Variants in ALPK2 observed in about 807,000 individuals in gnomAD.
ALPK2 encodes alpha kinase 2.
ALPK2 carries 127 observed loss-of-function variants against 163.1 expected under a neutral mutation model. The observed-to-expected ratio is 0.78, with a 90% CI of 0.67 to 0.90. ALPK2 has a LOEUF of 0.90. Among genes scored for constraint, ALPK2 ranks in the 40% least tolerant of loss-of-function variants. ALPK2 has a pLI of 0.00. For missense variants in ALPK2, 2,360 were observed against 2,589.6 expected (o/e 0.91, Z 1.92); for synonymous variants, 953 against 959.1 (o/e 0.99, Z 0.12).
intron 1 of ALPK2, among the ~76,000 whole-genome samples, chr18:58,626,340 G>A (rs1186301530): frequency 1.3e-5 from 2 of 151,968 alleles, no homozygotes; most frequent in Admixed American, 6.6e-5. Flanking sequence ...TCTAGCCCAC[G>A]GTGCGATCCC....
intron 4 of ALPK2, among the ~76,000 whole-genome samples, chr18:58,541,852 C>G (rs529248661): frequency 1.4e-3 from 208 of 152,286 alleles, no homozygotes; most frequent in African/African-American, 4.8e-3. Flanking sequence ...CTCCTCGGTT[C>G]TCATCCAGAG....
intron 10 of ALPK2, among the ~76,000 whole-genome samples, chr18:58,504,678 A>T (rs1460773783): frequency 6.6e-6 from 1 of 152,184 alleles, no homozygotes; most frequent in East Asian, 1.9e-4. Context: ...TCACCTTTAA[A>T]TGAGGGAGAC....
At chr18:58,577,880 T>C (rs2051930128) in intron 4 of ALPK2, 1 of 152,194 alleles carries the variant, frequency 6.6e-6, no homozygotes, top group South Asian at 2.1e-4. Flanking sequence ...AAAATAATAC[T>C]AGTTTTCTAG....
chr18:58,506,418 A>G (rs566492094), intron 10 of ALPK2, among the ~76,000 whole-genome samples: 32 of 152,210 alleles, frequency 2.1e-4, no homozygotes, highest in African/African-American at 7.0e-4. Context: ...AAACATTTAA[A>G]TGATATTTAA....
chr18:58,586,700 G>A (rs1330378090), intron 3 of ALPK2, among the ~76,000 whole-genome samples: 1 of 151,596 alleles, frequency 6.6e-6, no homozygotes, highest in Non-Finnish European at 1.5e-5. Flanking sequence ...GTTTTTGTGT[G>A]ATCTGACTTA....
chr18:58,537,945 C>T lies in ALPK2; in HGVS notation c.2242G>A (p.Asp748Asn). The stretch of plus-strand genomic sequence containing the variant: ...AACACACCTGGGGACATAGTCTCAT[C>T]ATTGGCTTCTGAGATGCTCTGCTCA... ...KYEQSISEAN[D>N]ETMSPGVFSR... The change falls in exon 5 of 13, where the codon GAT becomes AAT. Residue 748 changes from aspartate to asparagine, a missense_variant. Transcript: ENST00000361673. The T allele has an allele frequency of 6.2e-7, 1 of 1,614,246 alleles. No homozygotes were observed. The highest frequency in any genetic ancestry group is 8.5e-7 in the Non-Finnish European group (1 of 1,180,042).
Position 58,535,771 on chromosome 18 carries a change from T to G in ALPK2, c.4416A>C (p.Glu1472Asp), listed in dbSNP as rs1321603195. The G allele has an allele frequency of 1.2e-6, 2 of 1,614,136 alleles. No homozygotes were observed. Among genetic ancestry groups the G allele is most frequent in the Non-Finnish European group, 1.7e-6 (2 of 1,180,036 alleles). ...LSENRISRSQ[E>D]GSMKQEAEQI... is the part of the protein sequence containing the mutation. The stretch of plus-strand genomic sequence containing the variant: ...GTTCAGCCTCCTGCTTCATACTGCC[T>G]TCTTGGCTTCTGCTGATTCTATTTT... Residue 1472 changes from glutamate to aspartate, a missense_variant, in exon 5 of 13, where the codon GAA becomes GAC. Glu to Asp is a conservative substitution (Grantham distance 45). Coordinates refer to ENST00000361673, the MANE Select transcript of ALPK2 (RefSeq NM_052947.4).
intron 4 of ALPK2, among the ~76,000 whole-genome samples, chr18:58,547,607 T>G: frequency 6.6e-6 from 1 of 152,230 alleles, no homozygotes; most frequent in African/African-American, 2.4e-5. Context: ...GCAACACCAG[T>G]GGCCTAAGCC....
chr18:58,591,666 C>T (rs1473911480), intron 3 of ALPK2, among the ~76,000 whole-genome samples: 2 of 152,080 alleles, frequency 1.3e-5, no homozygotes, highest in Non-Finnish European at 2.9e-5. Context: ...TCATTCTAGG[C>T]AGAAGGAATA....
In ALPK2 at chr18:58,481,641, C is replaced by G; in HGVS notation, c.*182G>C. The stretch of plus-strand genomic sequence containing the variant: ...CATAAACCTGGTCGCAAATCCTGTT[C>G]TGAAATCATTTGAGTGAAGACAGCA... On this transcript the variant is annotated 3_prime_UTR_variant, in exon 13 of 13. Coordinates refer to ENST00000361673, the MANE Select transcript of ALPK2 (RefSeq NM_052947.4). 1.6e-6 allele frequency: 1 copy of G among 611,284 alleles called. No homozygotes were observed. The highest frequency in any genetic ancestry group is 2.9e-6 in the Non-Finnish European group (1 of 339,700). 37.9% of individuals were successfully genotyped at this position (611,284 alleles called of 1,614,324 possible).
Position 58,543,377 on chromosome 18 carries a change from C to T in ALPK2, c.1963-5153G>A, listed in dbSNP as rs537652982. 14 of 985,426 alleles carry T rather than the reference C, an allele frequency of 1.4e-5. No homozygotes were observed. In the Admixed American group the frequency reaches 1.8e-4, roughly 13 times the overall value. The allele number at this position is 985,426 out of a possible 1,614,324, so 61.0% of individuals were successfully genotyped here. On this transcript the variant is annotated intron_variant, in intron 4 of 12. Transcript: ENST00000361673. ...AGTGCTCTGTGCACCAGACCTCAGG[C>T]GGCTATGTGTAGACCACACAGGAGC...
chr18:58,502,229 C>T (rs896198238), intron 11 of ALPK2, among the ~76,000 whole-genome samples: 3 of 151,760 alleles, frequency 2.0e-5, no homozygotes, highest in African/African-American at 7.3e-5. Context: ...ATGGCATACT[C>T]CCGTAGTCCC....
rs1351914074 is a variant in ALPK2 at position 58,517,067 on chromosome 18, T to G, written c.5781A>C (p.Glu1927Asp). Residue 1927 changes from glutamate (E) to aspartate (D), a missense_variant, in exon 9 of 13, where the codon GAA (glutamate) becomes GAC (aspartate). Physicochemically the swap from Glu to Asp is conservative, Grantham distance 45. Coordinates refer to ENST00000361673, the MANE Select transcript of ALPK2 (RefSeq NM_052947.4). ...TGCGGAAGGCTTTGCGGTGAACCCC[T>G]TCTCCAAAGTGCAGCTCCTCCGTGG... Reference protein sequence around the residue: ...QIATEELHFGEGVHRKAFRST... With the variant: ...QIATEELHFGDGVHRKAFRST... 2 of 1,614,132 alleles carry G rather than the reference T, an allele frequency of 1.2e-6. No homozygotes were observed. Among genetic ancestry groups the G allele is most frequent in the African/African-American group, 1.3e-5 (1 of 74,952 alleles).
intron 5 of ALPK2, among the ~76,000 whole-genome samples, chr18:58,529,771 T>C (rs1421102887): frequency 6.6e-6 from 1 of 152,212 alleles, no homozygotes. Context: ...ACCTAGTAGA[T>C]TGGAGTGATG....
chr18:58,608,895 T>C (rs2052112626), intron 2 of ALPK2, among the ~76,000 whole-genome samples: 2 of 150,572 alleles, frequency 1.3e-5, no homozygotes, highest in South Asian at 4.2e-4. Flanking sequence ...GAGGCTGCAG[T>C]GAGCTGTAAT....
intron 1 of ALPK2, among the ~76,000 whole-genome samples, chr18:58,624,590 G>A (rs2052219829): frequency 6.6e-6 from 1 of 152,168 alleles, no homozygotes; most frequent in African/African-American, 2.4e-5. Context: ...AAGTGGCTGG[G>A]ATTACAGGCG....
chr18:58,512,778 T>A, intron 10 of ALPK2, among the ~76,000 whole-genome samples: 1 of 149,634 alleles, frequency 6.7e-6, no homozygotes, highest in African/African-American at 2.5e-5. Flanking sequence ...GTGTGTGGTG[T>A]GTGTGGTGTG....
In ALPK2 at chr18:58,538,235, G is replaced by A; in HGVS notation, c.1963-11C>T. 2.5e-6 allele frequency: 4 copies of A among 1,602,278 alleles called. No individual in the cohort carries two copies. Among genetic ancestry groups the A allele is most frequent in the Non-Finnish European group, 2.5e-6 (3 of 1,177,510 alleles). Reference sequence around the variant, plus strand: ...TTCCTGAACTTGTACCTAGGAAGATGAAAAGTGATATTAGTAGAATTGTTC... The same window carrying A: ...TTCCTGAACTTGTACCTAGGAAGATAAAAAGTGATATTAGTAGAATTGTTC... On this transcript the variant is annotated splice_polypyrimidine_tract_variant and intron_variant, in intron 4 of 12. Transcript: ENST00000361673.
At chr18:58,573,152 A>G (rs1360776200) in intron 4 of ALPK2, among the ~76,000 whole-genome samples, 1 of 151,424 alleles carries the variant, frequency 6.6e-6, no homozygotes, top group African/African-American at 2.4e-5. Flanking sequence ...GTTTAATTTT[A>G]AATTGAGCAT....
Sources: allele counts gnomAD v4.1 joint callset (sites outside exome capture counted in the v4.1 genomes callset), GRCh38; gene constraint gnomAD v4.1.1; transcripts MANE v1.5; gene names NCBI Gene and HGNC (gene_info 2026-07-23, HGNC 2026-07-21).